The following F13A1 variants were observed in gnomAD, a reference collection of about 807,000 sequenced individuals.
The protein encoded by F13A1 is coagulation factor XIII A chain.
A neutral mutation model predicts 80.1 loss-of-function variants in F13A1; 47 were observed. That is an observed-to-expected ratio of 0.59 (90% CI 0.46 to 0.75). F13A1 has a LOEUF of 0.75. F13A1 is among the 30% of genes least tolerant of loss of function. F13A1 has a pLI of 0.00. For missense variants in F13A1, 817 were observed against 930.4 expected (o/e 0.88, Z 1.59); for synonymous variants, 349 against 344.9 (o/e 1.01, Z -0.13).
At chr6:6,258,068 T>C (rs540008245) in intron 4 of F13A1, among the ~76,000 whole-genome samples, 6 of 152,316 alleles carry the variant, frequency 3.9e-5, no homozygotes, top group African/African-American at 1.2e-4. Flanking sequence ...GATTAGGTCA[T>C]TACAGAATCT....
rs1182410326 is a variant in F13A1 at position 6,243,888 on chromosome 6, G to C, written c.798+4424C>G. Reference sequence around the variant, plus strand: ...AGTGAATAACGAGCCTTTATCTGCAGTAGCGGCAGCCTTTGCAGAAGCAGC... The same window carrying C: ...AGTGAATAACGAGCCTTTATCTGCACTAGCGGCAGCCTTTGCAGAAGCAGC... On this transcript the variant is annotated intron_variant, in intron 6 of 14. Coordinates refer to ENST00000264870, the MANE Select transcript of F13A1 (RefSeq NM_000129.4). This position sits in a 1 kb window ranked among gnomAD's most constrained non-coding sequence, Gnocchi z 4.2. Among the ~76,000 whole-genome samples the C allele has an allele frequency of 6.6e-6, 1 of 152,240 alleles. No homozygotes were observed. The highest frequency in any genetic ancestry group is 1.5e-5 in the Non-Finnish European group (1 of 68,036).
At chr6:6,233,010 C>T (rs149352235) in intron 6 of F13A1, among the ~76,000 whole-genome samples, 10 of 151,996 alleles carry the variant, frequency 6.6e-5, no homozygotes, top group Middle Eastern at 3.4e-3. Context: ...ACCAAAGGAG[C>T]GCAAACTGAC....
intron 4 of F13A1, among the ~76,000 whole-genome samples, chr6:6,265,750 A>C (rs979640877): frequency 6.6e-6 from 1 of 152,252 alleles, no homozygotes; most frequent in Non-Finnish European, 1.5e-5. Flanking sequence ...CTTTAGATAT[A>C]CAGACTTTCT....
chr6:6,197,398 G>A (rs760388822), intron 8 of F13A1, 72 bp from the exon 9 acceptor site: 15 of 1,453,348 alleles, frequency 1.0e-5, no homozygotes, highest in East Asian at 6.9e-5. Context: ...AAGAAGTGAC[G>A]GCCAGGCACA....
At position 6,144,917 on chromosome 6, in the gene F13A1, A is replaced by G. The variant is rs892024096; in HGVS notation, c.*702T>C. The G allele has an allele frequency of 2.6e-5, 4 of 154,186 alleles. No homozygotes were observed. Among genetic ancestry groups the G allele is most frequent in the Non-Finnish European group, 4.3e-5 (3 of 69,164 alleles). 9.6% of individuals were successfully genotyped at this position (154,186 alleles called of 1,614,324 possible). ...CAGTGTGACACATTCTATAAAATGCATCACAAAACTACATTATTCAATAGA... is the reference window on the plus strand; with the variant it reads ...CAGTGTGACACATTCTATAAAATGCGTCACAAAACTACATTATTCAATAGA... On this transcript the variant is annotated 3_prime_UTR_variant, in exon 15 of 15. Coordinates refer to ENST00000264870, the MANE Select transcript of F13A1 (RefSeq NM_000129.4).
At chr6:6,158,258 T>C (rs1760511911) in intron 13 of F13A1, among the ~76,000 whole-genome samples, 1 of 152,130 alleles carries the variant, frequency 6.6e-6, no homozygotes, top group East Asian at 1.9e-4. Flanking sequence ...AGTGGTGCTA[T>C]TCCAGGCCAA....
At chr6:6,294,099 G>A (rs79415474) in intron 3 of F13A1, among the ~76,000 whole-genome samples, 2,768 of 150,666 alleles carry the variant, frequency 0.018, 136 homozygotes, top group East Asian at 0.15. Context: ...ATTTACCCCC[G>A]AACCTAAAAA....
At chr6:6,195,177 C>T (rs1002911743) in intron 10 of F13A1, among the ~76,000 whole-genome samples, 1 of 152,238 alleles carries the variant, frequency 6.6e-6, no homozygotes, top group African/African-American at 2.4e-5. Context: ...GCTTCCAGTC[C>T]CTGCCTAGTT....
intron 12 of F13A1, among the ~76,000 whole-genome samples, chr6:6,168,740 C>T (rs1760719634): frequency 6.6e-6 from 1 of 152,242 alleles, no homozygotes; most frequent in African/African-American, 2.4e-5. Flanking sequence ...TCATTTTAGC[C>T]TGCTGTACTG....
chr6:6,174,544 C>A lies in F13A1; in HGVS notation c.1747+36G>T, dbSNP rs371031839. The A allele has an allele frequency of 6.2e-6, 10 of 1,609,566 alleles. No homozygotes were observed. In the Admixed American group the frequency reaches 1.0e-4, roughly 16 times the overall value. ...ACCTAGCAAGACAGGGGCCAGACAG[C>A]GAGTCTCAGAAAGAACCACACCATT... On this transcript the variant is annotated intron_variant, in intron 12 of 14. Coordinates refer to ENST00000264870, the MANE Select transcript of F13A1 (RefSeq NM_000129.4).
chr6:6,245,175 C>A (rs1303073863), intron 6 of F13A1, among the ~76,000 whole-genome samples: 3 of 152,156 alleles, frequency 2.0e-5, no homozygotes, highest in African/African-American at 7.2e-5. Context: ...AACAATTACC[C>A]AAGGTCACAT....
chr6:6,273,186 C>G (rs368693450), intron 3 of F13A1, among the ~76,000 whole-genome samples: 1 of 152,168 alleles, frequency 6.6e-6, no homozygotes, highest in Non-Finnish European at 1.5e-5. Context: ...CATTTTTCTC[C>G]TTATTCACTT....
chr6:6,221,504 A>C (rs889658362), intron 8 of F13A1, among the ~76,000 whole-genome samples: 4 of 152,240 alleles, frequency 2.6e-5, no homozygotes, highest in Admixed American at 2.6e-4. Context: ...GTTTATTCCC[A>C]GCTCAACAGA....
Position 6,208,568 on chromosome 6 carries a change from A to G in F13A1, c.1113-11242T>C, listed in dbSNP as rs549810021. ...TTGAAAAAGTTCAAAAACTCCAAGT[A>G]GGATAAACTTAAGATATCTACACTT... is the stretch of plus-strand genomic sequence containing the variant. On this transcript the variant is annotated intron_variant, in intron 8 of 14. Coordinates refer to ENST00000264870, the MANE Select transcript of F13A1 (RefSeq NM_000129.4). Among the ~76,000 whole-genome samples the G allele has an allele frequency of 6.6e-5, 10 of 151,812 alleles. No individual in the cohort carries two copies. The South Asian group carries it at 1.3e-3, about 19-fold the overall frequency.
intron 2 of F13A1, among the ~76,000 whole-genome samples, chr6:6,314,133 C>G (rs1179185103): frequency 1.3e-5 from 2 of 151,934 alleles, no homozygotes; most frequent in Non-Finnish European, 2.9e-5. Flanking sequence ...AGGCGCCAAC[C>G]ACCACCCCAG....
intron 13 of F13A1, among the ~76,000 whole-genome samples, chr6:6,159,087 G>A (rs536131303): frequency 6.6e-6 from 1 of 152,084 alleles, no homozygotes; most frequent in South Asian, 2.1e-4. Context: ...ACTTTTAGTA[G>A]AGATGGGGTT....
chr6:6,272,697 C>T (rs993183838), intron 3 of F13A1, among the ~76,000 whole-genome samples: 2 of 152,130 alleles, frequency 1.3e-5, no homozygotes, highest in African/African-American at 4.8e-5. Context: ...AACCCATGGT[C>T]CTAAGATGTT....
intron 3 of F13A1, among the ~76,000 whole-genome samples, chr6:6,295,053 G>A (rs1758301205): frequency 6.8e-6 from 1 of 146,910 alleles, no homozygotes; most frequent in Admixed American, 6.7e-5. Context: ...TTTCATCCAT[G>A]TCCCTACAAA....
chr6:6,187,560 C>T (rs1761101334), intron 10 of F13A1, among the ~76,000 whole-genome samples: 1 of 114,956 alleles, frequency 8.7e-6, no homozygotes, highest in African/African-American at 3.6e-5. Context: ...CCTTGCATCC[C>T]AGGGATGAAG....
Sources: gnomAD v4.1 joint callset for allele counts (sites outside exome capture counted in the v4.1 genomes callset) on GRCh38, gnomAD v4.1.1 for gene constraint, Gnocchi (gnomAD v3.1) non-coding constraint, MANE v1.5 for transcripts, NCBI Gene and HGNC (gene_info 2026-07-23, HGNC 2026-07-21) for gene names.